Variants in MAST4 observed in about 807,000 individuals in gnomAD.
The protein encoded by MAST4 is microtubule associated serine/threonine kinase family member 4.
A neutral mutation model predicts 162.7 loss-of-function variants in MAST4; 89 were observed. The observed-to-expected ratio is 0.55, with a 90% CI of 0.46 to 0.65. The LOEUF (loss-of-function observed/expected upper bound fraction) is 0.65. Ranked by LOEUF, MAST4 falls within the 30% of genes least tolerant of loss-of-function variation. The pLI, the probability that MAST4 is intolerant of heterozygous loss-of-function variation, is 0.00. For synonymous variants in MAST4, 1,479 were observed against 1,361.1 expected (o/e 1.09, Z -1.91); for missense variants, 3,153 against 3,374.0 (o/e 0.93, Z 1.62).
At chr5:66,863,422 C>G (rs4700166) in intron 3 of MAST4, among the ~76,000 whole-genome samples, 17,399 of 152,240 alleles carry the variant, frequency 0.11, 1,139 homozygotes, top group Admixed American at 0.15. Flanking sequence ...TTGCAGCTGC[C>G]TTTGGCCCAG....
chr5:66,794,704 GA>G (rs1476232474), intron 3 of MAST4, among the ~76,000 whole-genome samples: 1 of 152,104 alleles, frequency 6.6e-6, no homozygotes, highest in Non-Finnish European at 1.5e-5. Flanking sequence ...TTTTTGAAGG[GA>G]CAAGGTGCTT....
At chr5:66,791,344 C>T (rs1314332503) in intron 3 of MAST4, among the ~76,000 whole-genome samples, 3 of 152,180 alleles carry the variant, frequency 2.0e-5, no homozygotes, top group African/African-American at 7.2e-5. Flanking sequence ...AATCTATCTT[C>T]TTACTAGTAC....
At chr5:66,668,309 A>G (rs1325227159) in intron 1 of MAST4, among the ~76,000 whole-genome samples, 1 of 152,206 alleles carries the variant, frequency 6.6e-6, no homozygotes, top group Non-Finnish European at 1.5e-5. Context: ...TCTGAGTGTT[A>G]GTATCTCCTT....
At chr5:67,145,638 C>T (rs1770992986) in intron 23 of MAST4, among the ~76,000 whole-genome samples, 1 of 152,182 alleles carries the variant, frequency 6.6e-6, no homozygotes, top group Non-Finnish European at 1.5e-5. Context: ...TTCACTTTCT[C>T]AGCCAGGTTG....
chr5:66,681,299 T>C (rs1348086604), intron 1 of MAST4, among the ~76,000 whole-genome samples: 1 of 152,198 alleles, frequency 6.6e-6, no homozygotes, highest in Non-Finnish European at 1.5e-5. Flanking sequence ...TCTCAGCACT[T>C]ATAAGTCACA....
chr5:67,091,235 GA>G (rs1763832900), intron 6 of MAST4, among the ~76,000 whole-genome samples: 1 of 152,110 alleles, frequency 6.6e-6, no homozygotes, highest in East Asian at 1.9e-4. Flanking sequence ...ACTAAGTCTA[GA>G]AAAAAAAGTT....
chr5:66,888,565 T>G (rs1762183474), intron 3 of MAST4, among the ~76,000 whole-genome samples: 1 of 152,238 alleles, frequency 6.6e-6, no homozygotes, highest in Non-Finnish European at 1.5e-5. Flanking sequence ...CTTTTGGTAT[T>G]AAGGTTGTCT....
rs766002640 is a variant in MAST4, at chr5:67,166,712, C to G, written c.7533C>G (p.Gly2511=). 1 of 1,588,886 alleles carries G rather than the reference C, an allele frequency of 6.3e-7. No homozygotes were observed. The highest frequency in any genetic ancestry group is 1.1e-5 in the South Asian group (1 of 87,144). ...GGAAGGCTCAGCCTGCCGGGGAGGG[C>G]CGAACCCACATGACAAAGAGTGACT... The part of the protein sequence containing the change: ...DHRKAQPAGE[G]RTHMTKSDSL... The change falls in exon 29 of 29, where the codon GGC becomes GGG. Residue 2511 remains glycine, a synonymous_variant. Coordinates refer to ENST00000403625, the MANE Select transcript of MAST4 (RefSeq NM_001164664.2).
At chr5:67,101,512 G>A (rs571581854) in intron 8 of MAST4, among the ~76,000 whole-genome samples, 1 of 152,188 alleles carries the variant, frequency 6.6e-6, no homozygotes, top group Non-Finnish European at 1.5e-5. Context: ...GGAGGGATCA[G>A]GATAGGGCAT....
chr5:66,719,617 A>T (rs1039180787), intron 1 of MAST4, among the ~76,000 whole-genome samples: 1 of 152,152 alleles, frequency 6.6e-6, no homozygotes, highest in African/African-American at 2.4e-5. Flanking sequence ...ACATAGGTAT[A>T]CAAGTGCCAT....
chr5:67,041,177 G>C (rs1007680192), intron 4 of MAST4, among the ~76,000 whole-genome samples: 3 of 152,190 alleles, frequency 2.0e-5, no homozygotes, highest in African/African-American at 7.2e-5. Context: ...GCACGGTTTT[G>C]ACAGTTGTTC....
At chr5:66,986,202 G>C (rs563705028) in intron 4 of MAST4, among the ~76,000 whole-genome samples, 1 of 152,318 alleles carries the variant, frequency 6.6e-6, no homozygotes, top group South Asian at 2.1e-4. Flanking sequence ...GCTGGGGAGG[G>C]CAGGGTCACA....
intron 5 of MAST4, among the ~76,000 whole-genome samples, chr5:67,056,682 T>C (rs1178298038): frequency 6.6e-6 from 1 of 152,098 alleles, no homozygotes; most frequent in African/African-American, 2.4e-5. Context: ...AAGCCTGTCA[T>C]TCAGGTTCTA....
intron 4 of MAST4, among the ~76,000 whole-genome samples, chr5:67,040,185 TA>T (rs984870497): frequency 2.0e-5 from 3 of 152,022 alleles, no homozygotes; most frequent in Admixed American, 1.3e-4. Context: ...GTGAGTTATC[TA>T]GAAATAAGAA....
chr5:66,926,369 G>A (rs1764891085), intron 4 of MAST4, among the ~76,000 whole-genome samples: 1 of 152,138 alleles, frequency 6.6e-6, no homozygotes, highest in African/African-American at 2.4e-5. Context: ...CAAATATGGT[G>A]AAACCCTATC....
At chr5:66,743,944 C>T (rs1392955684) in intron 1 of MAST4, among the ~76,000 whole-genome samples, 2 of 152,136 alleles carry the variant, frequency 1.3e-5, no homozygotes, top group Non-Finnish European at 2.9e-5. Context: ...GAGGGCACAG[C>T]TCTGGGGAAC....
At chr5:67,010,688 A>G (rs550428209) in intron 4 of MAST4, among the ~76,000 whole-genome samples, 2 of 152,294 alleles carry the variant, frequency 1.3e-5, no homozygotes, top group East Asian at 3.9e-4. Flanking sequence ...AAAGTCCCCT[A>G]TAAAGGGAGG....
At chr5:67,024,211 C>T (rs910969684) in intron 4 of MAST4, among the ~76,000 whole-genome samples, 1 of 151,326 alleles carries the variant, frequency 6.6e-6, no homozygotes, top group Admixed American at 6.6e-5. Flanking sequence ...CAAGGTTCAT[C>T]CATGTTGTAG....
At chr5:67,024,396 ATATG>A (rs150828359) in intron 4 of MAST4, among the ~76,000 whole-genome samples, 12,253 of 150,932 alleles carry the variant, frequency 0.081, 1,599 homozygotes, top group African/African-American at 0.27. Context: ...ATATATATCT[ATATG>A]TATACACATA....
Sources: allele counts gnomAD v4.1 joint callset (sites outside exome capture counted in the v4.1 genomes callset), GRCh38; gene constraint gnomAD v4.1.1; transcripts MANE v1.5; gene names NCBI Gene and HGNC (gene_info 2026-07-23, HGNC 2026-07-21).